Variants in EDIL3 observed in about 807,000 individuals in gnomAD.
EDIL3 encodes EGF like and discoidin domains 3.
A neutral mutation model predicts 67.4 loss-of-function variants in EDIL3; 37 were observed. That is an observed-to-expected ratio of 0.55 (90% confidence interval 0.42 to 0.72). The LOEUF (loss-of-function observed/expected upper bound fraction) is 0.72, where lower values mean the gene tolerates loss of function less well. EDIL3 is among the 30% of genes least tolerant of loss of function. The probability of loss-of-function intolerance (pLI) is 0.00; values close to 1 mark genes in which losing one functional copy is unlikely to be tolerated. For missense variants in EDIL3, 527 were observed against 586.3 expected (o/e 0.90, Z 1.04); for synonymous variants, 195 against 196.3 (o/e 0.99, Z 0.05).
chr5:84,112,497 C>T (rs1747581974), intron 5 of EDIL3, among the ~76,000 whole-genome samples: 1 of 152,138 alleles, frequency 6.6e-6, no homozygotes, highest in Non-Finnish European at 1.5e-5. Flanking sequence ...GACCAAATTC[C>T]TCTCTTAAAA....
chr5:84,007,583 G>A (rs1745440405), intron 9 of EDIL3, among the ~76,000 whole-genome samples: 2 of 152,086 alleles, frequency 1.3e-5, no homozygotes, highest in South Asian at 2.1e-4. Context: ...TAGATATCAT[G>A]TCATTCCAGT....
chr5:83,999,589 C>G (rs932100471), intron 9 of EDIL3, among the ~76,000 whole-genome samples: 10 of 151,928 alleles, frequency 6.6e-5, no homozygotes, highest in Non-Finnish European at 1.5e-4. Flanking sequence ...TGAAGATACA[C>G]AGTCAGGGGA....
intron 5 of EDIL3, among the ~76,000 whole-genome samples, chr5:84,110,339 C>T (rs1747536235): frequency 6.6e-6 from 1 of 152,122 alleles, no homozygotes; most frequent in South Asian, 2.1e-4. Context: ...CTATCCACTT[C>T]CCCCATATCC....
intron 4 of EDIL3, among the ~76,000 whole-genome samples, 168 bp downstream of exon 4, chr5:84,180,225 T>C (rs891537787): frequency 1.3e-5 from 2 of 151,916 alleles, no homozygotes; most frequent in African/African-American, 2.4e-5. Context: ...AGTCTAGGAG[T>C]CCTCCACTGT....
At chr5:83,972,689 T>A (rs935490700) in intron 9 of EDIL3, among the ~76,000 whole-genome samples, 1 of 151,984 alleles carries the variant, frequency 6.6e-6, no homozygotes, top group Admixed American at 6.6e-5. Context: ...AGTCCATCCA[T>A]CAAGATCTCA....
At chr5:84,039,577 G>A (rs969252995) in intron 9 of EDIL3, among the ~76,000 whole-genome samples, 5 of 152,054 alleles carry the variant, frequency 3.3e-5, no homozygotes, top group Admixed American at 6.5e-5. Context: ...TCTATTGACC[G>A]AAAATCATCA....
Position 84,319,504 on chromosome 5 carries a change from A to C in EDIL3, c.67+64804T>G, listed in dbSNP as rs1389904383. ...AAAAACAAAAAACAACAAAAAAAAA[A>C]AAAAAAAAAAAAAAAAAAAGAAATA... On this transcript the variant is annotated intron_variant, in intron 1 of 10. Coordinates refer to ENST00000296591, the MANE Select transcript of EDIL3 (RefSeq NM_005711.5). Among the ~76,000 whole-genome samples, 98 of 70,712 alleles carry C rather than the reference A, an allele frequency of 1.4e-3. 2 individuals are homozygous for C. Among genetic ancestry groups the C allele is most frequent in the African/African-American group, 4.5e-3 (96 of 21,350 alleles). 46.4% of individuals were successfully genotyped at this position (70,712 alleles called of 152,430 possible). A position where few individuals can be genotyped will look rare whatever the true frequency, so the allele number is the denominator to read the frequency against.
chr5:84,077,876 G>GAC (rs1561424224), intron 6 of EDIL3, among the ~76,000 whole-genome samples: 1 of 145,532 alleles, frequency 6.9e-6, no homozygotes, highest in Admixed American at 6.9e-5. Flanking sequence ...AAATCACATA[G>GAC]ACACACACAC....
chr5:84,248,121 A>G (rs937112570), intron 2 of EDIL3, among the ~76,000 whole-genome samples: 2 of 152,168 alleles, frequency 1.3e-5, no homozygotes, highest in African/African-American at 4.8e-5. Context: ...CAAATAAATA[A>G]ATAGACAAAT....
chr5:84,292,083 T>G (rs920735543), intron 1 of EDIL3, among the ~76,000 whole-genome samples: 1 of 152,014 alleles, frequency 6.6e-6, no homozygotes, highest in African/African-American at 2.4e-5. Context: ...TTATTTAACT[T>G]AAAGTTAAAT....
intron 5 of EDIL3, among the ~76,000 whole-genome samples, chr5:84,136,496 T>G (rs910650054): frequency 6.6e-6 from 1 of 152,038 alleles, no homozygotes; most frequent in South Asian, 2.1e-4. Flanking sequence ...TTTAGGTAAG[T>G]GGTGCTTTCT....
At chr5:84,102,488 C>T (rs552506984) in intron 6 of EDIL3, among the ~76,000 whole-genome samples, 1 of 151,826 alleles carries the variant, frequency 6.6e-6, no homozygotes, top group Non-Finnish European at 1.5e-5. Flanking sequence ...AGCTGATAAA[C>T]ACCTTCAGCA....
Position 84,190,569 on chromosome 5 carries a change from GTGTGTGTGTGTATATATATATATA to G in EDIL3, c.227-10072_227-10049del, listed in dbSNP as rs1248955338. ...TATATATATGTGTGTGTGTGTGTGT[GTGTGTGTGTGTATATATATATATA>G]TATATATATATAATAAACAAATATC... On this transcript the variant is annotated intron_variant, in intron 3 of 10. Transcript: ENST00000296591. 6.4e-5 allele frequency among the ~76,000 whole-genome samples: 4 copies of G among 62,268 alleles called. No individual in the cohort carries two copies. In the East Asian group the frequency reaches 1.6e-3, roughly 25 times the overall value. 40.9% of individuals were successfully genotyped at this position (62,268 alleles called of 152,430 possible).
At chr5:84,354,136 C>T (rs1747422701) in intron 1 of EDIL3, among the ~76,000 whole-genome samples, 1 of 152,100 alleles carries the variant, frequency 6.6e-6, no homozygotes, top group African/African-American at 2.4e-5. Flanking sequence ...AATTAGAACA[C>T]AGTAAGAGTG....
chr5:84,368,607 CA>C (rs1422125617), intron 1 of EDIL3, among the ~76,000 whole-genome samples: 1 of 151,510 alleles, frequency 6.6e-6, no homozygotes, highest in African/African-American at 2.4e-5. Context: ...GCACAGGCAA[CA>C]AAAGAAAAAA....
rs569437322 is a variant in EDIL3 at position 84,353,248 on chromosome 5, A to G, written c.67+31060T>C. Among the ~76,000 whole-genome samples the G allele has an allele frequency of 7.2e-5, 11 of 152,290 alleles. No individual in the cohort carries two copies. In the South Asian group the frequency reaches 2.3e-3, roughly 32 times the overall value. ...TGCTGTGCCCAATCAAAAGGGAAGG[A>G]AGTTCCATGTGAACCACCTATTATA... On this transcript the variant is annotated intron_variant, in intron 1 of 10. Transcript: ENST00000296591.
chr5:83,989,152 T>C (rs960764756), intron 9 of EDIL3, among the ~76,000 whole-genome samples: 2 of 152,202 alleles, frequency 1.3e-5, no homozygotes, highest in Non-Finnish European at 2.9e-5. Flanking sequence ...AAATGTAAAC[T>C]CTGGGAACTA....
At chr5:84,248,951 T>C (rs1335299369) in intron 2 of EDIL3, among the ~76,000 whole-genome samples, 2 of 152,096 alleles carry the variant, frequency 1.3e-5, no homozygotes, top group African/African-American at 4.8e-5. Flanking sequence ...CTGTAATTTG[T>C]TTTCCATATT....
chr5:83,947,208 TAA>T (rs1333543445), intron 10 of EDIL3, among the ~76,000 whole-genome samples: 3 of 151,900 alleles, frequency 2.0e-5, no homozygotes, highest in African/African-American at 7.2e-5. Context: ...TGAGACTTTC[TAA>T]AGTTTTTTCT....
Sources: allele counts gnomAD v4.1 joint callset (sites outside exome capture counted in the v4.1 genomes callset), GRCh38; gene constraint gnomAD v4.1.1; transcripts MANE v1.5; gene names NCBI Gene and HGNC (gene_info 2026-07-23, HGNC 2026-07-21).